TRPA1: variants seen among roughly 807,000 people sequenced by gnomAD.
TRPA1 encodes the protein ankyrin-like with transmembrane domains 1.
Under a neutral mutation model 131.3 loss-of-function variants are expected in TRPA1, and 129 were observed. The observed-to-expected ratio is 0.98, with a 90% CI of 0.85 to 1.14. The LOEUF (loss-of-function observed/expected upper bound fraction) is 1.14. Among genes scored for constraint, TRPA1 ranks in the 50% most tolerant of loss-of-function variants. The pLI, the probability that TRPA1 is intolerant of heterozygous loss-of-function variation, is 0.00. For synonymous variants in TRPA1, 441 were observed against 451.7 expected (o/e 0.98, Z 0.30); for missense variants, 1,304 against 1,354.2 (o/e 0.96, Z 0.58).
At chr8:72,059,759 A>T (rs1805763220) in intron 7 of TRPA1, among the ~76,000 whole-genome samples, 1 of 152,196 alleles carries the variant, frequency 6.6e-6, no homozygotes, top group African/African-American at 2.4e-5. Context: ...AAAGACAAGG[A>T]AATCACTGGT....
At chr8:72,060,718 T>C (rs971393474) in intron 7 of TRPA1, among the ~76,000 whole-genome samples, 1 of 152,160 alleles carries the variant, frequency 6.6e-6, no homozygotes, top group Non-Finnish European at 1.5e-5. Context: ...TCGTAGTTTT[T>C]TACTAGTTTT....
the TRPA1 span, among the ~76,000 whole-genome samples, chr8:72,087,129 G>A: frequency 0.038 from 5,831 of 152,168 alleles, 378 homozygotes; most frequent in African/African-American, 0.13. Context: ...CAGTGGTATG[G>A]TGACTGAATT....
intron 25 of TRPA1, among the ~76,000 whole-genome samples, chr8:72,025,365 G>A (rs1377153668): frequency 6.6e-6 from 1 of 152,052 alleles, no homozygotes; most frequent in Non-Finnish European, 1.5e-5. Context: ...TGTGAAGAAG[G>A]TGCCTTGCTT....
At chr8:72,033,922 CT>C in intron 22 of TRPA1, 96 bp from the exon 23 acceptor site, 1 of 1,248,742 alleles carries the variant, frequency 8.0e-7, no homozygotes, top group Non-Finnish European at 1.2e-6. Context: ...ATTCAGAATA[CT>C]TTTTTAAAGT....
chr8:72,033,960 G>A, intron 22 of TRPA1, 134 bp from the exon 23 acceptor site: 1 of 868,780 alleles, frequency 1.2e-6, no homozygotes, highest in South Asian at 1.5e-5. Context: ...TTGAAATGCA[G>A]TGATAAAATA....
the TRPA1 span, among the ~76,000 whole-genome samples, chr8:72,087,634 A>ATATG: frequency 6.7e-6 from 1 of 149,584 alleles, no homozygotes; most frequent in Non-Finnish European, 1.5e-5. Context: ...TCTATCAAAT[A>ATATG]TATATATATA....
intron 13 of TRPA1, 140 bp downstream of exon 13, chr8:72,053,613 A>G: frequency 1.4e-6 from 1 of 706,488 alleles, no homozygotes; most frequent in South Asian, 1.5e-5. Context: ...CTTCACCTCA[A>G]GAATCCACTT....
intron 14 of TRPA1, among the ~76,000 whole-genome samples, chr8:72,051,669 C>T (rs555503474): frequency 5.4e-4 from 82 of 152,276 alleles, no homozygotes; most frequent in Admixed American, 9.2e-4. Flanking sequence ...TGAGATTGTT[C>T]GCTCTGTGTC....
intron 23 of TRPA1, among the ~76,000 whole-genome samples, chr8:72,032,123 C>T (rs947672691): frequency 7.9e-5 from 12 of 152,084 alleles, no homozygotes; most frequent in Admixed American, 4.6e-4. Flanking sequence ...AACAGTGAGG[C>T]GTTGGGAAAG....
chr8:72,025,105 C>T (rs12542443), intron 25 of TRPA1, among the ~76,000 whole-genome samples: 7 of 120,110 alleles, frequency 5.8e-5, no homozygotes, highest in East Asian at 4.0e-4. Context: ...TGTGTGTGTT[C>T]GTGTGTGTGT....
At chr8:72,032,729 T>C (rs2129433239) in intron 23 of TRPA1, among the ~76,000 whole-genome samples, 1 of 152,352 alleles carries the variant, frequency 6.6e-6, no homozygotes, top group East Asian at 1.9e-4. Context: ...GTTATTCCTA[T>C]TGCCATCCTT....
chr8:72,048,400 C>T (rs1334009687), intron 15 of TRPA1, among the ~76,000 whole-genome samples: 1 of 151,970 alleles, frequency 6.6e-6, no homozygotes, highest in East Asian at 1.9e-4. Context: ...AGAAACAGGG[C>T]CATGGCTGGT....
In TRPA1 at chr8:72,046,543, A is replaced by G; in HGVS notation, c.2031T>C (p.Asp677=). 1 of 1,598,850 alleles carries G rather than the reference A, an allele frequency of 6.3e-7. No individual in the cohort carries two copies. Among genetic ancestry groups the G allele is most frequent in the South Asian group, 1.1e-5 (1 of 89,308 alleles). ...GGGCTGTAAGCGGTTCATATATAAC[A>G]TCCTGTGTAGGTGTTTTTTTGGTGA... The part of the protein sequence containing the change: ...LEFTKKTPTQ[D]VIYEPLTALN... Residue 677 remains aspartate (D), a synonymous_variant, in exon 17 of 27, where the codon GAT becomes GAC. Transcript: ENST00000262209.
At chr8:72,080,916 T>C in the TRPA1 span, among the ~76,000 whole-genome samples, 2 of 151,840 alleles carry the variant, frequency 1.3e-5, no homozygotes, top group Admixed American at 1.3e-4. Flanking sequence ...TCATTCCTGT[T>C]TTTTGTCATT....
At chr8:72,077,298 G>A (rs553875230), upstream of TRPA1, among the ~76,000 whole-genome samples, 3 of 145,968 alleles carry the variant, frequency 2.1e-5, no homozygotes, top group East Asian at 2.0e-4. Context: ...GGTGGGGGGG[G>A]GGGCAGCGTG....
chr8:72,042,032 C>G (rs1307397220), intron 17 of TRPA1, among the ~76,000 whole-genome samples: 1 of 151,746 alleles, frequency 6.6e-6, no homozygotes, highest in African/African-American at 2.4e-5. Flanking sequence ...GCAACTAAAG[C>G]AAAAGCAGAC....
chr8:72,081,172 T>G, the TRPA1 span, among the ~76,000 whole-genome samples: 2 of 151,886 alleles, frequency 1.3e-5, no homozygotes, highest in Non-Finnish European at 1.5e-5. Context: ...TACAAAATAC[T>G]TACTCAACTT....
chr8:72,031,845 A>G (rs915277413), intron 23 of TRPA1, among the ~76,000 whole-genome samples: 3 of 152,196 alleles, frequency 2.0e-5, no homozygotes, highest in Non-Finnish European at 4.4e-5. Context: ...TAATCTAGGA[A>G]GTAGGTTTTA....
rs61758119 is a variant in TRPA1 at position 72,052,730 on chromosome 8, G to A, written c.1680C>T (p.His560=). 15,071 of 1,613,512 alleles carry A rather than the reference G, an allele frequency of 9.3e-3. 511 individuals are homozygous for A. Among genetic ancestry groups the A allele is most frequent in the East Asian group, 0.071 (3,204 of 44,846 alleles). ...TCAGAAGAAGCGCAACGGCTTTGGC[G>A]TGGCCTTCCCTTGCAGCAAAGTGAA... ...TALHFAAREG[H]AKAVALLLSH... The change falls in exon 14 of 27, where the codon CAC becomes CAT. Residue 560 remains histidine (H), a synonymous_variant. Transcript: ENST00000262209.
Sources: gnomAD v4.1 joint callset for allele counts (sites outside exome capture counted in the v4.1 genomes callset) on GRCh38, gnomAD v4.1.1 for gene constraint, MANE v1.5 for transcripts, NCBI Gene and HGNC (gene_info 2026-07-23, HGNC 2026-07-21) for gene names.